Variants in NEK1 observed in about 807,000 individuals in gnomAD.
NEK1 encodes NIMA related kinase 1.
NEK1 carries 137 observed loss-of-function variants against 182.1 expected under a neutral mutation model. The ratio of observed to expected loss-of-function variants is 0.75; its 90% CI spans 0.65 to 0.87. NEK1 has a LOEUF of 0.87. Ranked by LOEUF, NEK1 falls within the 40% of genes least tolerant of loss-of-function variation. The pLI is 0.00. For synonymous variants in NEK1, 513 were observed against 492.2 expected (o/e 1.04, Z -0.56); for missense variants, 1,391 against 1,494.4 (o/e 0.93, Z 1.14).
chr4:169,509,001 C>T, intron 19 of NEK1, 149 bp from the exon 20 acceptor site: 1 of 561,670 alleles, frequency 1.8e-6, no homozygotes. Flanking sequence ...TGGCGTTTTC[C>T]TATGTCAACT....
intron 19 of NEK1, among the ~76,000 whole-genome samples, chr4:169,518,469 T>C (rs1481140944): frequency 1.6e-4 from 21 of 129,072 alleles, no homozygotes; most frequent in East Asian, 8.7e-4. Context: ...CCTGGATTCA[T>C]TGATTTTTTG....
At chr4:169,446,340 C>G (rs1230891425) in intron 27 of NEK1, among the ~76,000 whole-genome samples, 1 of 151,880 alleles carries the variant, frequency 6.6e-6, no homozygotes, top group Non-Finnish European at 1.5e-5. Context: ...AACAAAGAGC[C>G]ATTACAACAA....
chr4:169,565,724 A>C (rs1053478090), intron 12 of NEK1, among the ~76,000 whole-genome samples: 2 of 152,230 alleles, frequency 1.3e-5, no homozygotes, highest in Non-Finnish European at 2.9e-5. Flanking sequence ...ATATGATTCC[A>C]TTTATATAAA....
At chr4:169,436,792 T>C (rs1346460466) in intron 28 of NEK1, among the ~76,000 whole-genome samples, 3 of 152,222 alleles carry the variant, frequency 2.0e-5, no homozygotes, top group Non-Finnish European at 2.9e-5. Context: ...CAGAAAGATT[T>C]AAAGGCATGT....
chr4:169,599,868 GA>G (rs1233307415), intron 4 of NEK1, among the ~76,000 whole-genome samples: 2 of 151,916 alleles, frequency 1.3e-5, no homozygotes, highest in Non-Finnish European at 2.9e-5. Context: ...AGGACTACAA[GA>G]ATACTTCTTT....
At chr4:169,455,417 A>T (rs1380423106) in intron 27 of NEK1, among the ~76,000 whole-genome samples, 1 of 152,212 alleles carries the variant, frequency 6.6e-6, no homozygotes, top group Non-Finnish European at 1.5e-5. Flanking sequence ...TAAAGGGATG[A>T]ATAAAGATAT....
intron 27 of NEK1, among the ~76,000 whole-genome samples, chr4:169,461,940 A>C (rs757777896): frequency 3.3e-4 from 50 of 152,144 alleles, no homozygotes; most frequent in Non-Finnish European, 1.6e-4. Context: ...AAGAGAAATC[A>C]TAAGTTATTT....
chr4:169,598,540 G>A (rs947375388), intron 5 of NEK1, among the ~76,000 whole-genome samples: 1 of 152,112 alleles, frequency 6.6e-6, no homozygotes, highest in Non-Finnish European at 1.5e-5. Context: ...ACAGGAAGGA[G>A]AATGAGATGT....
intron 28 of NEK1, among the ~76,000 whole-genome samples, chr4:169,434,191 A>G (rs1737951190): frequency 6.9e-6 from 1 of 145,294 alleles, no homozygotes; most frequent in South Asian, 2.2e-4. Context: ...ATTTTCTTAG[A>G]CACTCAAATA....
intron 23 of NEK1, among the ~76,000 whole-genome samples, chr4:169,483,588 C>T (rs551705309): frequency 1.8e-4 from 28 of 152,130 alleles, no homozygotes; most frequent in African/African-American, 6.3e-4. Context: ...ACAAATAGGC[C>T]GGGCGCAGTG....
chr4:169,410,291 A>C (rs531098928), intron 31 of NEK1, among the ~76,000 whole-genome samples: 17 of 152,312 alleles, frequency 1.1e-4, no homozygotes, highest in African/African-American at 3.6e-4. Flanking sequence ...GGAAACCTTA[A>C]AATGTTTCCT....
At chr4:169,546,407 T>C (rs1760460904) in intron 18 of NEK1, among the ~76,000 whole-genome samples, 1 of 152,182 alleles carries the variant, frequency 6.6e-6, no homozygotes, top group Non-Finnish European at 1.5e-5. Context: ...TCCAATTACA[T>C]GGTCAATTTT....
intron 19 of NEK1, among the ~76,000 whole-genome samples, chr4:169,512,617 G>C (rs2149711349): frequency 6.6e-6 from 1 of 152,038 alleles, no homozygotes; most frequent in Non-Finnish European, 1.5e-5. Context: ...TTTGGACAAA[G>C]CCTGCTCTAT....
chr4:169,531,850 G>A (rs1230228892), intron 19 of NEK1, among the ~76,000 whole-genome samples: 4 of 152,096 alleles, frequency 2.6e-5, no homozygotes, highest in East Asian at 3.8e-4. Context: ...ACATAAATCC[G>A]ATGAGCTTTA....
Position 169,540,606 on chromosome 4 carries a change from GCT to G in NEK1, c.1563-2697_1563-2696del, listed in dbSNP as rs757967509. Among the ~76,000 whole-genome samples, 106 of 152,078 alleles carry G rather than the reference GCT, an allele frequency of 7.0e-4. 1 individual carries two copies. The highest frequency in any genetic ancestry group is 4.1e-4 in the Non-Finnish European group (28 of 67,980). The stretch of plus-strand genomic sequence containing the variant: ...CACTATTAAGAATTCACGTGAGCAT[GCT>G]CTGTTTTACAAAAATTAGACTATTT... On this transcript the variant is annotated intron_variant, in intron 18 of 35. Transcript: ENST00000507142.
chr4:169,400,024 C>CTT, intron 35 of NEK1: 1 of 615,158 alleles, frequency 1.6e-6, no homozygotes, highest in South Asian at 1.8e-5. Flanking sequence ...AAAATATGGA[C>CTT]TTAAAGGACT....
At chr4:169,590,027 G>A (rs1270952860) in intron 6 of NEK1, among the ~76,000 whole-genome samples, 2 of 152,094 alleles carry the variant, frequency 1.3e-5, no homozygotes, top group African/African-American at 4.8e-5. Flanking sequence ...GGCAAAAGGG[G>A]CCAGGCGCAG....
At position 169,400,286 on chromosome 4, in the gene NEK1, T is replaced by C. The variant is rs1731434570; in HGVS notation, c.3786A>G (p.Glu1262=). The change falls in exon 35 of 36, where the codon GAA becomes GAG. Residue 1262 remains glutamate, a synonymous_variant. Transcript: ENST00000507142. ...SKIVQNILGN[E]HQHLYAKILH... ...GAATCTTGGCATAAAGATGCTGATG[T>C]TCATTTCCCAAAATATTTTGAACTA... 6.4e-7 allele frequency: 1 copy of C among 1,564,536 alleles called. No homozygotes were observed. The highest frequency in any genetic ancestry group is 2.3e-5 in the East Asian group (1 of 43,028).
chr4:169,597,144 A>G (rs1330857171), intron 5 of NEK1, among the ~76,000 whole-genome samples: 2 of 152,262 alleles, frequency 1.3e-5, no homozygotes, highest in Non-Finnish European at 2.9e-5. Flanking sequence ...ACAATGAAAT[A>G]TATCTGACAA....
Sources: gnomAD v4.1 joint callset for allele counts (sites outside exome capture counted in the v4.1 genomes callset) on GRCh38, gnomAD v4.1.1 for gene constraint, MANE v1.5 for transcripts, NCBI Gene and HGNC (gene_info 2026-07-23, HGNC 2026-07-21) for gene names.